Variants in TRUB2 observed in about 807,000 individuals in gnomAD.
TRUB2 encodes the protein TruB pseudouridine synthase family member 2.
A neutral mutation model predicts 31.9 loss-of-function variants in TRUB2; 31 were observed. The observed-to-expected ratio is 0.97, with a 90% CI of 0.73 to 1.31. The LOEUF (loss-of-function observed/expected upper bound fraction) is 1.31, where lower values mean the gene tolerates loss of function less well. Among genes scored for constraint, TRUB2 ranks in the 50% most tolerant of loss-of-function variants. TRUB2 has a pLI of 0.00. For synonymous variants in TRUB2, 201 were observed against 182.6 expected (o/e 1.10, Z -0.81); for missense variants, 451 against 439.6 (o/e 1.03, Z -0.23).
At chr9:128,315,778 G>T in intron 3 of TRUB2, 150 bp from the exon 4 acceptor site, 1 of 799,374 alleles carries the variant, frequency 1.3e-6, no homozygotes, top group Non-Finnish European at 2.1e-6. Flanking sequence ...GGGGGCAGGT[G>T]CACCCCTCTG....
In TRUB2 at chr9:128,317,130, C is replaced by T; in HGVS notation, c.316+22G>A. 6 of 1,559,236 alleles carry T rather than the reference C, an allele frequency of 3.8e-6. No individual in the cohort carries two copies. In the Middle Eastern group the frequency reaches 6.8e-4, roughly 178 times the overall value. The stretch of plus-strand genomic sequence containing the variant: ...TTTCTCAAGCCTTATCACTGTACCC[C>T]CAGGCTTCTCACATCACCTACCAAG... On this transcript the variant is annotated intron_variant, in intron 3 of 7. Coordinates refer to ENST00000372890, the MANE Select transcript of TRUB2 (RefSeq NM_015679.3).
chr9:128,322,289 G>A lies in TRUB2; in HGVS notation c.109+11C>T, dbSNP rs1385916215. The A allele has an allele frequency of 1.2e-6, 2 of 1,609,186 alleles. No homozygotes were observed. Among genetic ancestry groups the A allele is most frequent in the Admixed American group, 1.7e-5 (1 of 59,994 alleles). ...GAGAGCGGGAACGTGGGTCTGGTTC[G>A]AGGCACTCACCCTTCAGAAGTTGTA... On this transcript the variant is annotated intron_variant, in intron 1 of 7. Transcript: ENST00000372890.
At chr9:128,321,236 G>T (rs1262068901) in intron 2 of TRUB2, among the ~76,000 whole-genome samples, 2 of 152,224 alleles carry the variant, frequency 1.3e-5, no homozygotes, top group Non-Finnish European at 2.9e-5. Flanking sequence ...ATCATGGGAT[G>T]TGGAACTCAT....
At chr9:128,311,475 G>A (rs1373119776) in intron 6 of TRUB2, 54 bp downstream of exon 6, 12 of 1,577,334 alleles carry the variant, frequency 7.6e-6, no homozygotes, top group African/African-American at 4.0e-5. Context: ...GGGAGCCTAC[G>A]GGAGCCAAGG....
At chr9:128,319,909 A>T (rs1250278322) in intron 2 of TRUB2, among the ~76,000 whole-genome samples, 1 of 131,506 alleles carries the variant, frequency 7.6e-6, no homozygotes, top group East Asian at 2.2e-4. Flanking sequence ...GTGAGCCACC[A>T]CACCTGGCCA....
chr9:128,317,298 A>C, intron 2 of TRUB2, 72 bp from the exon 3 acceptor site: 1 of 1,426,272 alleles, frequency 7.0e-7, no homozygotes, highest in Non-Finnish European at 9.7e-7. Context: ...CTGCATGTTG[A>C]CCTCGTTCTC....
intron 1 of TRUB2, among the ~76,000 whole-genome samples, 176 bp downstream of exon 1, chr9:128,322,124 C>T (rs548880338): frequency 6.6e-6 from 1 of 152,240 alleles, no homozygotes; most frequent in African/African-American, 2.4e-5. Flanking sequence ...AGTCAGTTTC[C>T]CCCTCGGAAA....
chr9:128,312,619 T>TA (rs1831992213), intron 5 of TRUB2, among the ~76,000 whole-genome samples: 1 of 146,378 alleles, frequency 6.8e-6, no homozygotes, highest in African/African-American at 2.5e-5. Flanking sequence ...ATTATTATTT[T>TA]TTTTTTTTTT....
chr9:128,320,375 C>T (rs1832143537), intron 2 of TRUB2, among the ~76,000 whole-genome samples: 2 of 151,658 alleles, frequency 1.3e-5, no homozygotes, highest in South Asian at 4.2e-4. Flanking sequence ...TCTTATTGTC[C>T]AGGCTAGAGT....
At chr9:128,321,532 G>C in intron 2 of TRUB2, 67 bp downstream of exon 2, 1 of 1,607,192 alleles carries the variant, frequency 6.2e-7, no homozygotes, top group African/African-American at 1.3e-5. Flanking sequence ...CTGAGCACTG[G>C]GACACTGACT....
chr9:128,319,978 C>T (rs1448955302), intron 2 of TRUB2, among the ~76,000 whole-genome samples: 5 of 151,544 alleles, frequency 3.3e-5, no homozygotes, highest in African/African-American at 1.2e-4. Flanking sequence ...TGCAGTGGCA[C>T]GATCTCCGCT....
intron 5 of TRUB2, among the ~76,000 whole-genome samples, chr9:128,313,461 G>A (rs561249201): frequency 6.0e-5 from 9 of 150,436 alleles, no homozygotes; most frequent in East Asian, 2.0e-4. Flanking sequence ...GCGTGAACCC[G>A]GGAGGTGGTG....
At chr9:128,311,506 A>G (rs1449681244) in intron 6 of TRUB2, 23 bp downstream of exon 6, 9 of 1,613,080 alleles carry the variant, frequency 5.6e-6, no homozygotes, top group Non-Finnish European at 7.6e-6. Context: ...CTCTCCCAGT[A>G]CCTCCCTGAG....
intron 3 of TRUB2, chr9:128,316,249 A>T (rs1832066624): frequency 6.6e-6 from 1 of 151,604 alleles, no homozygotes; most frequent in South Asian, 2.1e-4. Context: ...AAAATTAGCC[A>T]GGCGTGGTGG....
chr9:128,320,882 G>A (rs892764658), intron 2 of TRUB2, among the ~76,000 whole-genome samples: 9 of 152,084 alleles, frequency 5.9e-5, no homozygotes, highest in East Asian at 5.8e-4. Context: ...TCCGCCTCCC[G>A]GGTTCAAGTG....
At chr9:128,322,248 G>C in intron 1 of TRUB2, 52 bp downstream of exon 1, 2 of 1,497,178 alleles carry the variant, frequency 1.3e-6, no homozygotes, top group Non-Finnish European at 1.9e-6. Flanking sequence ...AAGCGGAGAT[G>C]GACTTCCAAG....
Position 128,309,762 on chromosome 9 carries a change from A to C in TRUB2, c.784T>G (p.Phe262Val). Residue 262 changes from phenylalanine to valine, a missense_variant, in exon 8 of 8, where the codon TTC (phenylalanine) becomes GTC (valine). Coordinates refer to ENST00000372890, the MANE Select transcript of TRUB2 (RefSeq NM_015679.3). The part of the protein sequence containing the change: ...CTQVRRTRDG[F>V]FTLDSALLRT... ...AGGAGGGCACTGTCTAGCGTGAAGAAGCCGTCGCGCGTGCGCCGCACTTGG... is the reference window on the plus strand; with the variant it reads ...AGGAGGGCACTGTCTAGCGTGAAGACGCCGTCGCGCGTGCGCCGCACTTGG... The C allele has an allele frequency of 6.2e-7, 1 of 1,614,240 alleles. No individual in the cohort carries two copies. The highest frequency in any genetic ancestry group is 2.2e-5 in the East Asian group (1 of 44,886).
chr9:128,322,190 C>T, intron 1 of TRUB2, 110 bp downstream of exon 1: 1 of 853,920 alleles, frequency 1.2e-6, no homozygotes, highest in South Asian at 1.5e-5. Flanking sequence ...GGAAAGCGCT[C>T]TGCCCAGGTG....
intron 2 of TRUB2, among the ~76,000 whole-genome samples, chr9:128,320,710 C>T (rs1488542537): frequency 6.6e-6 from 1 of 152,194 alleles, no homozygotes; most frequent in Admixed American, 6.6e-5. Context: ...AGTAATCCAC[C>T]GCCTCAGCTT....
Sources: gnomAD v4.1 joint callset for allele counts (sites outside exome capture counted in the v4.1 genomes callset) on GRCh38, gnomAD v4.1.1 for gene constraint, MANE v1.5 for transcripts, NCBI Gene and HGNC (gene_info 2026-07-23, HGNC 2026-07-21) for gene names.